The following ACSS3 variants were observed in gnomAD, a reference collection of about 807,000 sequenced individuals.
ACSS3 encodes the protein acyl-CoA synthetase short-chain family member 3, mitochondrial.
In ACSS3, 64 loss-of-function variants were observed where a neutral mutation model predicts 84.2. The observed-to-expected ratio is 0.76, with a 90% CI of 0.62 to 0.94. The LOEUF is 0.94. Among genes scored for constraint, ACSS3 ranks in the 40% least tolerant of loss-of-function variants. ACSS3 has a pLI of 0.00. For synonymous variants in ACSS3, 317 were observed against 310.1 expected (o/e 1.02, Z -0.23); for missense variants, 815 against 867.6 (o/e 0.94, Z 0.76).
intron 1 of ACSS3, among the ~76,000 whole-genome samples, chr12:81,092,613 A>AT: frequency 6.6e-6 from 1 of 152,200 alleles, no homozygotes; most frequent in Middle Eastern, 3.4e-3. Context: ...GCAGCCTCTC[A>AT]TTTTTTGTTG....
At chr12:81,165,130 TA>T (rs1478225047) in intron 7 of ACSS3, among the ~76,000 whole-genome samples, 6 of 152,122 alleles carry the variant, frequency 3.9e-5, no homozygotes, top group Admixed American at 6.5e-5. Flanking sequence ...GACTAGTTGT[TA>T]AAAAAATATT....
intron 8 of ACSS3, among the ~76,000 whole-genome samples, chr12:81,193,523 T>C (rs956584386): frequency 2.6e-5 from 4 of 152,002 alleles, no homozygotes; most frequent in African/African-American, 9.7e-5. Context: ...TAGGGAAAGG[T>C]GCATAGGTCT....
At chr12:81,129,478 A>C (rs1440819162) in intron 2 of ACSS3, among the ~76,000 whole-genome samples, 1 of 152,134 alleles carries the variant, frequency 6.6e-6, no homozygotes, top group Non-Finnish European at 1.5e-5. Flanking sequence ...TTTCTAGAGA[A>C]ACTGGAGATC....
At chr12:81,244,036 C>A (rs2033900871) in intron 13 of ACSS3, among the ~76,000 whole-genome samples, 1 of 152,068 alleles carries the variant, frequency 6.6e-6, no homozygotes. Context: ...AACACATTAC[C>A]TCAATTTTTT....
chr12:81,093,301 A>G (rs1881793688), intron 1 of ACSS3, among the ~76,000 whole-genome samples: 1 of 151,896 alleles, frequency 6.6e-6, no homozygotes, highest in South Asian at 2.1e-4. Context: ...AAATACAAAA[A>G]AATTAGACAG....
chr12:81,226,140 A>G (rs1487547443), intron 11 of ACSS3, among the ~76,000 whole-genome samples: 1 of 151,942 alleles, frequency 6.6e-6, no homozygotes, highest in Non-Finnish European at 1.5e-5. Context: ...ATCATGAGAA[A>G]ACTCAAAACA....
Position 81,139,192 on chromosome 12 carries a change from C to T in ACSS3, c.707C>T (p.Pro236Leu). The T allele has an allele frequency of 6.2e-7, 1 of 1,613,818 alleles. No individual in the cohort carries two copies. The highest frequency in any genetic ancestry group is 1.3e-5 in the African/African-American group (1 of 74,998). The change falls in exon 4 of 16, where the codon CCA becomes CTA. Residue 236 changes from proline to leucine, a missense_variant. By Grantham distance (98) the Pro-to-Leu change is moderately conservative (BLOSUM62 -3). Coordinates refer to ENST00000548058, the MANE Select transcript of ACSS3 (RefSeq NM_024560.4). ...IEPGRRVEYV[P>L]LVEEALKIGQ... ...CCTGGAAGGAGGGTAGAGTACGTACCACTTGTAGAAGAAGCGCTAAAAATA... is the reference window on the plus strand; with the variant it reads ...CCTGGAAGGAGGGTAGAGTACGTACTACTTGTAGAAGAAGCGCTAAAAATA...
intron 7 of ACSS3, among the ~76,000 whole-genome samples, chr12:81,165,406 G>T (rs549523239): frequency 2.0e-5 from 3 of 152,154 alleles, no homozygotes; most frequent in Non-Finnish European, 4.4e-5. Context: ...AGCAGTTCGG[G>T]AGGCCAAGAC....
intron 13 of ACSS3, among the ~76,000 whole-genome samples, chr12:81,241,332 G>C (rs374942191): frequency 6.6e-6 from 1 of 151,952 alleles, no homozygotes; most frequent in African/African-American, 2.4e-5. Flanking sequence ...ATGATTTATA[G>C]TCCTTTGGGT....
intron 7 of ACSS3, among the ~76,000 whole-genome samples, chr12:81,174,201 T>G (rs1307847497): frequency 6.6e-6 from 1 of 152,236 alleles, no homozygotes; most frequent in East Asian, 1.9e-4. Flanking sequence ...TGTGAGATTT[T>G]TATGCATGAT....
chr12:81,239,941 A>C (rs1033942339), intron 13 of ACSS3, among the ~76,000 whole-genome samples: 3 of 152,172 alleles, frequency 2.0e-5, no homozygotes, highest in South Asian at 2.1e-4. Flanking sequence ...CAGTGATACA[A>C]GGGCTAGAAG....
At chr12:81,097,252 T>C (rs1334860623) in intron 1 of ACSS3, among the ~76,000 whole-genome samples, 1 of 152,212 alleles carries the variant, frequency 6.6e-6, no homozygotes, top group Non-Finnish European at 1.5e-5. Flanking sequence ...TGAATATTTT[T>C]GGCTTTGCAG....
At chr12:81,254,812 G>C (rs1203138309) in intron 15 of ACSS3, 45 bp from the exon 16 acceptor site, 13 of 1,411,004 alleles carry the variant, frequency 9.2e-6, no homozygotes, top group Non-Finnish European at 1.3e-5. Flanking sequence ...AAGAGTAGAA[G>C]AAATTCAAGG....
At chr12:81,107,253 A>T (rs961468696) in intron 1 of ACSS3, among the ~76,000 whole-genome samples, 3 of 151,952 alleles carry the variant, frequency 2.0e-5, no homozygotes, top group Non-Finnish European at 4.4e-5. Flanking sequence ...ACAAGATGCA[A>T]CAAACATATT....
At chr12:81,238,328 C>G (rs1041202113) in intron 13 of ACSS3, among the ~76,000 whole-genome samples, 2 of 151,538 alleles carry the variant, frequency 1.3e-5, no homozygotes, top group African/African-American at 4.8e-5. Flanking sequence ...TATTTTCTAA[C>G]TTATTCTATG....
intron 9 of ACSS3, among the ~76,000 whole-genome samples, chr12:81,209,402 A>G: frequency 6.6e-6 from 1 of 151,950 alleles, no homozygotes; most frequent in Admixed American, 6.6e-5. Context: ...AAAAAAAAAA[A>G]AAATTACTCC....
chr12:81,192,627 A>G (rs2135877143), intron 8 of ACSS3, among the ~76,000 whole-genome samples: 1 of 152,286 alleles, frequency 6.6e-6, no homozygotes, highest in East Asian at 1.9e-4. Context: ...CAAACTGAAT[A>G]CCTGGGTGTT....
At chr12:81,120,529 G>T (rs1884492407) in intron 2 of ACSS3, among the ~76,000 whole-genome samples, 1 of 152,162 alleles carries the variant, frequency 6.6e-6, no homozygotes, top group Non-Finnish European at 1.5e-5. Flanking sequence ...AACATAAATT[G>T]AGGACACTGA....
At chr12:81,235,608 C>T (rs970692714) in intron 13 of ACSS3, among the ~76,000 whole-genome samples, 4 of 151,420 alleles carry the variant, frequency 2.6e-5, no homozygotes, top group Admixed American at 1.3e-4. Context: ...TGAGTTCAAT[C>T]CATGAGTTTT....
Sources: allele counts gnomAD v4.1 joint callset (sites outside exome capture counted in the v4.1 genomes callset), GRCh38; gene constraint gnomAD v4.1.1; transcripts MANE v1.5; gene names NCBI Gene and HGNC (gene_info 2026-07-23, HGNC 2026-07-21).